COX18: variants seen among roughly 807,000 people sequenced by gnomAD.
COX18 encodes cytochrome c oxidase assembly factor COX18, also known as cytochrome c oxidase assembly protein COX18, mitochondrial.
Under a neutral mutation model 38.0 loss-of-function variants are expected in COX18, and 45 were observed. That is an observed-to-expected ratio of 1.18 (90% CI 0.93 to 1.52). The LOEUF (loss-of-function observed/expected upper bound fraction) is 1.52, where lower values mean the gene tolerates loss of function less well. Among genes scored for constraint, COX18 ranks in the 40% most tolerant of loss-of-function variants. The probability of loss-of-function intolerance (pLI) is 0.00; values close to 1 mark genes in which losing one functional copy is unlikely to be tolerated. For missense variants in COX18, 462 were observed against 423.8 expected, an observed-to-expected ratio of 1.09 and a Z score of -0.79; for synonymous variants, 177 against 169.8, an observed-to-expected ratio of 1.04 and a Z score of -0.33.
intron 3 of COX18, 72 bp downstream of exon 3, chr4:73,065,172 CTTTTTT>C (rs71215480): frequency 2.9e-5 from 20 of 689,600 alleles, no homozygotes; most frequent in East Asian, 1.2e-4. Context: ...GAAAAGTATG[CTTTTTT>C]TTTTTTTTTT....
chr4:73,069,167 TA>T, intron 1 of COX18, 149 bp downstream of exon 1: 1 of 623,922 alleles, frequency 1.6e-6, no homozygotes, highest in Non-Finnish European at 2.7e-6. Flanking sequence ...TTTTTAACGC[TA>T]AAATGGTCAC....
At chr4:73,065,016 T>A in intron 3 of COX18, 114 bp from the exon 4 acceptor site, 1 of 1,094,754 alleles carries the variant, frequency 9.1e-7, no homozygotes, top group Non-Finnish European at 1.3e-6. Flanking sequence ...ACAGGAAAGA[T>A]CTGCACTGGA....
chr4:73,059,429 G>GGTA (rs1720043372), intron 5 of COX18, among the ~76,000 whole-genome samples: 1 of 152,164 alleles, frequency 6.6e-6, no homozygotes, highest in African/African-American at 2.4e-5. Flanking sequence ...CATGTAGAGT[G>GGTA]GTATGCAAGT....
chr4:73,061,766 C>A, intron 5 of COX18, 47 bp downstream of exon 5: 4 of 1,001,816 alleles, frequency 4.0e-6, no homozygotes, highest in Non-Finnish European at 6.2e-6. Context: ...AAGCTAAAGT[C>A]AGAGAGGATT....
Position 73,064,807 on chromosome 4 carries a change from CAG to C in COX18, c.692_693del (p.Ser231CysfsTer89). 6.2e-7 allele frequency: 1 copy of C among 1,613,886 alleles called. No individual in the cohort carries two copies. The highest frequency in any genetic ancestry group is 1.1e-5 in the South Asian group (1 of 91,080). The stretch of plus-strand genomic sequence containing the variant: ...ACTATTAACAAATTGATGACGCCAA[CAG>C]AGATAGGCAGAATCCAAGTGGAGTC... ...APDSTWILPI[S>X]VGVINLLIVE... is the part of the protein sequence containing the mutation. On this transcript the variant is annotated frameshift_variant, in exon 4 of 6. Coordinates refer to ENST00000507544, the MANE Select transcript of COX18 (RefSeq NM_001297732.2). LOFTEE classifies it high-confidence loss of function.
chr4:73,058,859 G>A lies in COX18; in HGVS notation c.832-572C>T, dbSNP rs185445645. ...TGGTCCCCAACATTTTTGACACTAGGGGCCAATTTTTCCATGGACAGGAGG... is the reference window on the plus strand; with the variant it reads ...TGGTCCCCAACATTTTTGACACTAGAGGCCAATTTTTCCATGGACAGGAGG... On this transcript the variant is annotated intron_variant, in intron 5 of 5. Transcript: ENST00000507544. Among the ~76,000 whole-genome samples, 15 of 152,142 alleles carry A rather than the reference G, an allele frequency of 9.9e-5. 1 individual carries two copies. The highest frequency in any genetic ancestry group is 3.6e-4 in the African/African-American group (15 of 41,510).
At chr4:73,062,851 AG>A (rs898870035) in intron 4 of COX18, among the ~76,000 whole-genome samples, 6 of 145,706 alleles carry the variant, frequency 4.1e-5, no homozygotes, top group African/African-American at 1.5e-4. Flanking sequence ...AAAGAAAAGA[AG>A]GAAAAAAAAA....
At chr4:73,062,377 A>C (rs1170153172) in intron 4 of COX18, among the ~76,000 whole-genome samples, 1 of 152,054 alleles carries the variant, frequency 6.6e-6, no homozygotes, top group Non-Finnish European at 1.5e-5. Flanking sequence ...ACGACAACAA[A>C]AAAAAAACAC....
At chr4:73,058,798 A>G (rs1406868514) in intron 5 of COX18, among the ~76,000 whole-genome samples, 1 of 152,294 alleles carries the variant, frequency 6.6e-6, no homozygotes, top group East Asian at 1.9e-4. Context: ...CCTCAGCATT[A>G]TCTCCAAATT....
chr4:73,069,460 C>A lies in COX18; in HGVS notation c.190G>T (p.Val64Leu). ...WYEALAASSP[V>L]RVAEEVLLGV... ...AGCAGTACTTCCTCCGCAACCCGCA[C>A]CGGCGAAGACGCGGCCAGGGCCTCG... The change falls in exon 1 of 6, where the codon GTG becomes TTG. Residue 64 changes from valine to leucine, a missense_variant. Coordinates refer to ENST00000507544, the MANE Select transcript of COX18 (RefSeq NM_001297732.2). 8.2e-6 allele frequency: 13 copies of A among 1,589,804 alleles called. No individual in the cohort carries two copies. Among genetic ancestry groups the A allele is most frequent in the Non-Finnish European group, 1.1e-5 (13 of 1,169,458 alleles).
At chr4:73,066,602 G>A (rs764457158) in intron 2 of COX18, among the ~76,000 whole-genome samples, 2 of 152,208 alleles carry the variant, frequency 1.3e-5, no homozygotes, top group East Asian at 1.9e-4. Context: ...AGAAACATCT[G>A]TAAGGCTGTA....
chr4:73,058,418 C>T (rs1261355723), intron 5 of COX18, 131 bp from the exon 6 acceptor site: 3 of 636,212 alleles, frequency 4.7e-6, no homozygotes, highest in African/African-American at 3.7e-5. Flanking sequence ...GCAGCAGCTA[C>T]TAGATTCCTG....
rs761227531 is a variant in COX18 at position 73,058,282 on chromosome 4, A to C, written c.837T>G (p.Ile279Met). The C allele has an allele frequency of 6.2e-7, 1 of 1,604,022 alleles. No individual in the cohort carries two copies. ...AGCTGGAGCATAACCAGTAGAGAAC[A>C]ATTGACTATAAAGAGAAGACATAAA... ...IPIAATVPSSIVLYWLCSSFV... is the reference protein window; with the variant it reads ...IPIAATVPSSMVLYWLCSSFV... The change falls in exon 6 of 6, where the codon ATT (isoleucine) becomes ATG (methionine). Residue 279 changes from isoleucine to methionine, a missense_variant. Coordinates refer to ENST00000507544, the MANE Select transcript of COX18 (RefSeq NM_001297732.2).
At chr4:73,060,426 T>G (rs902955474) in intron 5 of COX18, among the ~76,000 whole-genome samples, 2 of 152,198 alleles carry the variant, frequency 1.3e-5, no homozygotes, top group African/African-American at 4.8e-5. Context: ...TGTAAAAAGT[T>G]CTCTAATAGG....
At chr4:73,067,958 GT>G in intron 2 of COX18, 70 bp downstream of exon 2, 1 of 16,236 alleles carries the variant, frequency 6.2e-5, no homozygotes, top group Non-Finnish European at 5.1e-4. Context: ...TTATGTATGT[GT>G]GTGTGTGTGT....
rs1293904042 is a variant in COX18, at chr4:73,053,296, AGAG to A, written c.*4815_*4817del. ...AGGTCACAATAAACGAACAGAATGTAGAGGAGGAGTCAGCCCATAAAAGGGAAG... is the reference window on the plus strand; with the variant it reads ...AGGTCACAATAAACGAACAGAATGTAGAGGAGTCAGCCCATAAAAGGGAAG... On this transcript the variant is annotated 3_prime_UTR_variant, in exon 6 of 6. Coordinates refer to ENST00000507544, the MANE Select transcript of COX18 (RefSeq NM_001297732.2). The A allele has an allele frequency of 1.3e-5, 2 of 152,216 alleles. No individual in the cohort carries two copies. The highest frequency in any genetic ancestry group is 1.3e-4 in the Admixed American group (2 of 15,276). The allele number at this position is 152,216 out of a possible 1,614,324, so 9.4% of individuals were successfully genotyped here.
chr4:73,058,122 T>C lies in COX18; in HGVS notation c.997A>G (p.Arg333Gly). The C allele has an allele frequency of 6.3e-7, 1 of 1,577,940 alleles. No individual in the cohort carries two copies. Among genetic ancestry groups the C allele is most frequent in the South Asian group, 1.1e-5 (1 of 86,968 alleles). ...FAAFNTKFISRK is the reference protein window; with the variant it reads ...FAAFNTKFISGK The stretch of plus-strand genomic sequence containing the variant: ...AATTATTGGAAAATATGTCATTTTC[T>C]TGAAATGAACTTGGTATTAAAGGCA... The change falls in exon 6 of 6, where the codon AGA becomes GGA. Residue 333 changes from arginine (R) to glycine (G), a missense_variant. Coordinates refer to ENST00000507544, the MANE Select transcript of COX18 (RefSeq NM_001297732.2).
intron 4 of COX18, among the ~76,000 whole-genome samples, chr4:73,064,324 C>T (rs146969177): frequency 1.3e-5 from 2 of 152,208 alleles, no homozygotes; most frequent in Non-Finnish European, 2.9e-5. Flanking sequence ...CCCATTTCAT[C>T]TTATAAAGAC....
rs1280301032 is a variant in COX18, at chr4:73,053,206, T to C, written c.*4908A>G. 6.6e-6 allele frequency: 1 copy of C among 152,162 alleles called. No homozygotes were observed. The highest frequency in any genetic ancestry group is 1.5e-5 in the Non-Finnish European group (1 of 68,062). The allele number at this position is 152,162 out of a possible 1,614,324, so 9.4% of individuals were successfully genotyped here. A position where few individuals can be genotyped will look rare whatever the true frequency, so the allele number is the denominator to read the frequency against. On this transcript the variant is annotated 3_prime_UTR_variant, in exon 6 of 6. Transcript: ENST00000507544. Reference sequence around the variant, plus strand: ...TTTTAAATGGTCCATTTTCAAGGCATGATAAATCTAAGCACTGGCAGCCAG... The same window carrying C: ...TTTTAAATGGTCCATTTTCAAGGCACGATAAATCTAAGCACTGGCAGCCAG...
Sources: gnomAD v4.1 joint callset for allele counts (sites outside exome capture counted in the v4.1 genomes callset) on GRCh38, gnomAD v4.1.1 for gene constraint, MANE v1.5 for transcripts, NCBI Gene and HGNC (gene_info 2026-07-23, HGNC 2026-07-21) for gene names.